ZFYVE28: variants seen among roughly 807,000 people sequenced by gnomAD.
ZFYVE28 encodes the protein zinc finger FYVE-type containing 28, also known as lateral signaling target protein 2 homolog.
Under a neutral mutation model 82.1 loss-of-function variants are expected in ZFYVE28, and 40 were observed. The observed-to-expected ratio is 0.49, with a 90% CI of 0.38 to 0.63. The LOEUF (loss-of-function observed/expected upper bound fraction) is 0.63. Ranked by LOEUF, ZFYVE28 falls within the 30% of genes least tolerant of loss-of-function variation. The pLI, the probability that ZFYVE28 is intolerant of heterozygous loss-of-function variation, is 0.00. For missense variants in ZFYVE28, 1,321 were observed against 1,242.1 expected, an observed-to-expected ratio of 1.06 and a Z score of -0.96; for synonymous variants, 612 against 546.1, an observed-to-expected ratio of 1.12 and a Z score of -1.68.
rs752337260 is a variant in ZFYVE28 at position 2,372,122 on chromosome 4, G to A, written c.40-18049C>T. Among the ~76,000 whole-genome samples, 10 of 152,218 alleles carry A rather than the reference G, an allele frequency of 6.6e-5. No individual in the cohort carries two copies. Among genetic ancestry groups the A allele is most frequent in the South Asian group, 4.1e-4 (2 of 4,828 alleles). ...GTGCGCATGGCCCATGTGGACATCT[G>A]TCAGAACTGGGGAGCGGGGAGGAGG... On this transcript the variant is annotated intron_variant, in intron 1 of 12. Coordinates refer to ENST00000290974, the MANE Select transcript of ZFYVE28 (RefSeq NM_020972.3). This position sits in a 1 kb window ranked among gnomAD's most constrained non-coding sequence, Gnocchi z 5.2.
At chr4:2,381,888 A>C (rs950118054) in intron 1 of ZFYVE28, among the ~76,000 whole-genome samples, 1 of 152,224 alleles carries the variant, frequency 6.6e-6, no homozygotes, top group African/African-American at 2.4e-5. Flanking sequence ...GGCCTAGGGG[A>C]AAATGGTTTC....
intron 1 of ZFYVE28, among the ~76,000 whole-genome samples, chr4:2,382,161 G>A (rs934638199): frequency 1.3e-5 from 2 of 152,262 alleles, no homozygotes; most frequent in African/African-American, 2.4e-5. Context: ...GTTTGCTGCA[G>A]GGGTGGGGCA....
intron 7 of ZFYVE28, 96 bp from the exon 8 acceptor site, chr4:2,305,632 C>T: frequency 7.0e-7 from 1 of 1,423,200 alleles, no homozygotes. Context: ...TCTGCACCAG[C>T]AGAACAACAG....
At chr4:2,369,073 A>G (rs3128815) in intron 1 of ZFYVE28, among the ~76,000 whole-genome samples, 101,489 of 152,158 alleles carry the variant, frequency 0.67, 34,196 homozygotes, top group East Asian at 0.8. Context: ...GGCTGATGAC[A>G]CTGGGCACCC....
chr4:2,413,073 G>A (rs751414433), intron 1 of ZFYVE28, among the ~76,000 whole-genome samples: 6 of 152,208 alleles, frequency 3.9e-5, no homozygotes, highest in Non-Finnish European at 7.3e-5. Context: ...CAGAGTCGGC[G>A]CAGGGAGTGA....
intron 7 of ZFYVE28, among the ~76,000 whole-genome samples, chr4:2,313,749 C>T (rs1175738048): frequency 6.6e-6 from 1 of 150,574 alleles, no homozygotes; most frequent in Admixed American, 6.7e-5. Context: ...TGCCTGTAAT[C>T]AGGAGAATTG....
chr4:2,302,367 A>C (rs1715690433), intron 8 of ZFYVE28, among the ~76,000 whole-genome samples: 1 of 152,240 alleles, frequency 6.6e-6, no homozygotes, highest in African/African-American at 2.4e-5. Flanking sequence ...CTACACACAT[A>C]ATGCTGAATG....
intron 8 of ZFYVE28, among the ~76,000 whole-genome samples, chr4:2,296,157 G>A (rs2108814725): frequency 6.6e-6 from 1 of 152,310 alleles, no homozygotes; most frequent in East Asian, 1.9e-4. Flanking sequence ...TAGGCCAGCT[G>A]TGAATTGGGA....
At chr4:2,323,596 GGTTA>G (rs1362081939) in intron 6 of ZFYVE28, among the ~76,000 whole-genome samples, 3 of 151,674 alleles carry the variant, frequency 2.0e-5, no homozygotes, top group African/African-American at 4.8e-5. Context: ...ACATTGTGCA[GGTTA>G]GTTACATATG....
At chr4:2,295,162 T>A (rs1577943166) in intron 8 of ZFYVE28, among the ~76,000 whole-genome samples, 1 of 105,968 alleles carries the variant, frequency 9.4e-6, no homozygotes, top group East Asian at 2.0e-4. Context: ...TTACAACATT[T>A]TTTTGTTTTC....
chr4:2,304,811 C>T lies in ZFYVE28; in HGVS notation c.1529G>A (p.Gly510Asp), dbSNP rs779163239. Residue 510 changes from glycine to aspartate, a missense_variant, in exon 8 of 13, where the codon GGC becomes GAC. This residue lies in a region of ZFYVE28 where 978 missense variants were observed against 833.7 expected (regional missense o/e 1.17). Transcript: ENST00000290974. ...GATGACCGTGGCTGAGAGCTTCATG[C>T]CCCCTGTCCGGTGGGCGATCATCTC... ...TAEMIAHRTGGMKLSATVIFN... is the reference protein window; with the variant it reads ...TAEMIAHRTGDMKLSATVIFN... 2 of 1,612,650 alleles carry T rather than the reference C, an allele frequency of 1.2e-6. No individual in the cohort carries two copies. Among genetic ancestry groups the T allele is most frequent in the Non-Finnish European group, 8.5e-7 (1 of 1,179,944 alleles).
chr4:2,397,521 C>T (rs931807294), intron 1 of ZFYVE28, among the ~76,000 whole-genome samples: 1 of 151,476 alleles, frequency 6.6e-6, no homozygotes, highest in Non-Finnish European at 1.5e-5. Context: ...GCAACCATCA[C>T]CACCATCCCT....
intron 8 of ZFYVE28, among the ~76,000 whole-genome samples, chr4:2,298,497 G>A (rs1715000757): frequency 1.3e-5 from 2 of 152,202 alleles, no homozygotes; most frequent in African/African-American, 4.8e-5. Flanking sequence ...TCTGTCATCT[G>A]TCTGCCACTG....
At chr4:2,377,738 T>A (rs1210298027) in intron 1 of ZFYVE28, among the ~76,000 whole-genome samples, 1 of 152,252 alleles carries the variant, frequency 6.6e-6, no homozygotes, top group East Asian at 1.9e-4. Flanking sequence ...CTCTTCATCT[T>A]TGACATTCTG....
In ZFYVE28 at chr4:2,270,683, G is replaced by T; in HGVS notation, c.*42C>A. 1 of 1,611,082 alleles carries T rather than the reference G, an allele frequency of 6.2e-7. No homozygotes were observed. The highest frequency in any genetic ancestry group is 1.1e-5 in the South Asian group (1 of 90,798). On this transcript the variant is annotated 3_prime_UTR_variant, in exon 13 of 13. Coordinates refer to ENST00000290974, the MANE Select transcript of ZFYVE28 (RefSeq NM_020972.3). The stretch of plus-strand genomic sequence containing the variant: ...TGCAGCGTGGCCCCACCTTCCTGGG[G>T]GTTCCTGGCCCGGGTGGGTTGGGGC...
At chr4:2,350,577 A>G (rs1724268523) in intron 2 of ZFYVE28, among the ~76,000 whole-genome samples, 1 of 152,130 alleles carries the variant, frequency 6.6e-6, no homozygotes, top group African/African-American at 2.4e-5. Context: ...GAGTGATAGG[A>G]GTTCACTGGT....
Position 2,333,736 on chromosome 4 carries a change from C to G in ZFYVE28, c.701+1969G>C, listed in dbSNP as rs144397574. Among the ~76,000 whole-genome samples the G allele has an allele frequency of 3.2e-4, 48 of 152,312 alleles. No individual in the cohort carries two copies. In the East Asian group the frequency reaches 7.9e-3, roughly 25 times the overall value. ...TGTGAGTGCCCTTGGGACAAGGAGA[C>G]ACCTGTACCTGAGGCAAAGGCTCAC... On this transcript the variant is annotated intron_variant, in intron 6 of 12. Transcript: ENST00000290974.
chr4:2,305,371 C>T lies in ZFYVE28; in HGVS notation c.969G>A (p.Lys323=), dbSNP rs1187795080. The T allele has an allele frequency of 6.8e-6, 11 of 1,612,640 alleles. No individual in the cohort carries two copies. Among genetic ancestry groups the T allele is most frequent in the Non-Finnish European group, 9.3e-6 (11 of 1,179,798 alleles). The change falls in exon 8 of 13, where the codon AAG becomes AAA. Residue 323 remains lysine, a synonymous_variant. Coordinates refer to ENST00000290974, the MANE Select transcript of ZFYVE28 (RefSeq NM_020972.3). ...PLPPEGPLSA[K]AKDPDAELAC... ...CCAGCTCTGCATCCGGGTCTTTGGC[C>T]TTAGCTGAGAGTGGCCCCTCAGGGG... is the stretch of plus-strand genomic sequence containing the variant.
chr4:2,393,790 G>T (rs955896967), intron 1 of ZFYVE28, among the ~76,000 whole-genome samples: 1 of 152,152 alleles, frequency 6.6e-6, no homozygotes, highest in South Asian at 2.1e-4. Flanking sequence ...ACGGACTTCC[G>T]GGCTTTACTG....
Sources: gnomAD v4.1 joint callset for allele counts (sites outside exome capture counted in the v4.1 genomes callset) on GRCh38, gnomAD v4.1.1 for gene constraint, gnomAD v4.1.1 regional missense constraint, Gnocchi (gnomAD v3.1) non-coding constraint, MANE v1.5 for transcripts, NCBI Gene and HGNC (gene_info 2026-07-23, HGNC 2026-07-21) for gene names.